C2CD3: variants seen among roughly 807,000 people sequenced by gnomAD.
C2CD3 encodes C2 domain-containing protein 3.
C2CD3 carries 148 observed loss-of-function variants against 234.0 expected under a neutral mutation model. The ratio of observed to expected loss-of-function variants is 0.63; its 90% CI spans 0.55 to 0.72. The LOEUF is 0.72. C2CD3 is among the 30% of genes least tolerant of loss of function. The pLI is 0.00. For synonymous variants in C2CD3, 1,000 were observed against 1,035.4 expected (o/e 0.97, Z 0.66); for missense variants, 2,577 against 2,811.5 (o/e 0.92, Z 1.89).
intron 3 of C2CD3, among the ~76,000 whole-genome samples, chr11:74,146,747 C>CACACACACACACACACACACACACACAT (rs58129019): frequency 3.7e-4 from 54 of 144,110 alleles, no homozygotes; most frequent in East Asian, 4.0e-4. Context: ...CACACACACA[C>CACACACACACACACACACACACACACAT]AATTAACATA....
chr11:74,083,443 G>T (rs1296179880), intron 22 of C2CD3, among the ~76,000 whole-genome samples: 3 of 152,194 alleles, frequency 2.0e-5, no homozygotes, highest in African/African-American at 7.2e-5. Flanking sequence ...TTGACAAATG[G>T]TATCTAATTA....
At chr11:74,128,534 T>TTTTATTTA (rs569604563) in intron 7 of C2CD3, 5 of 152,492 alleles carry the variant, frequency 3.3e-5, no homozygotes, top group East Asian at 1.9e-4. Context: ...GTTTGATACA[T>TTTTATTTA]TTTATTTATT....
intron 9 of C2CD3, among the ~76,000 whole-genome samples, chr11:74,116,296 C>T (rs774160121): frequency 2.6e-5 from 4 of 151,858 alleles, no homozygotes; most frequent in Admixed American, 1.3e-4. Flanking sequence ...CAAACAATCC[C>T]ATCAAAAAGT....
intron 28 of C2CD3, among the ~76,000 whole-genome samples, chr11:74,044,759 TATGAATACCCA>T (rs1953274069): frequency 6.6e-6 from 1 of 152,136 alleles, no homozygotes; most frequent in Admixed American, 6.6e-5. Flanking sequence ...TTTTTATGTC[TATGAATACCCA>T]ATGCTTAGCT....
intron 32 of C2CD3, among the ~76,000 whole-genome samples, chr11:74,013,969 G>A (rs1268702292): frequency 6.6e-6 from 1 of 152,164 alleles, no homozygotes; most frequent in East Asian, 1.9e-4. Context: ...AGATGGCGGT[G>A]AATAATACAC....
chr11:74,060,008 C>G (rs772647564), intron 24 of C2CD3, among the ~76,000 whole-genome samples: 85 of 152,326 alleles, frequency 5.6e-4, no homozygotes, highest in Middle Eastern at 3.4e-3. Flanking sequence ...GCCCATGTAG[C>G]CTCGCTCACT....
At chr11:74,144,574 G>GT (rs1855041621) in intron 3 of C2CD3, among the ~76,000 whole-genome samples, 2 of 152,144 alleles carry the variant, frequency 1.3e-5, no homozygotes, top group African/African-American at 4.8e-5. Flanking sequence ...TACCCGACAG[G>GT]TTTTTTGTTC....
In C2CD3 at chr11:74,098,616, GA is replaced by G. The variant is rs147030366; in HGVS notation, c.2733-362del. On this transcript the variant is annotated intron_variant, in intron 15 of 32. Coordinates refer to ENST00000334126, the MANE Select transcript of C2CD3 (RefSeq NM_001286577.2). ...AGAATGTGGACTTTGGTGTCTGACA[GA>G]TAAGATTTGGAAAATATTGCCAATA... Among the ~76,000 whole-genome samples, 879 of 152,312 alleles carry G rather than the reference GA, an allele frequency of 5.8e-3. 3 individuals are homozygous for G. The highest frequency in any genetic ancestry group is 0.02 in the Middle Eastern group (6 of 294).
intron 3 of C2CD3, among the ~76,000 whole-genome samples, chr11:74,158,801 A>G (rs1193962415): frequency 6.6e-6 from 1 of 152,182 alleles, no homozygotes; most frequent in African/African-American, 2.4e-5. Context: ...CGACAATGAG[A>G]TATCGTCTCA....
At chr11:74,133,231 TAC>T (rs1957739973) in intron 6 of C2CD3, among the ~76,000 whole-genome samples, 192 bp downstream of exon 6, 1 of 152,222 alleles carries the variant, frequency 6.6e-6, no homozygotes, top group Non-Finnish European at 1.5e-5. Flanking sequence ...TTTACCCATT[TAC>T]ACATGCTGCC....
intron 24 of C2CD3, among the ~76,000 whole-genome samples, chr11:74,058,876 A>G (rs527575085): frequency 8.7e-4 from 132 of 152,294 alleles, no homozygotes; most frequent in African/African-American, 2.9e-3. Flanking sequence ...CCTTGGTTGC[A>G]CTAGCCATAT....
chr11:74,101,343 G>A (rs1296038585), intron 14 of C2CD3, among the ~76,000 whole-genome samples: 2 of 152,160 alleles, frequency 1.3e-5, no homozygotes, highest in African/African-American at 2.4e-5. Context: ...AAGCTGTAGG[G>A]ACAACTGTAA....
intron 31 of C2CD3, among the ~76,000 whole-genome samples, chr11:74,030,322 T>C (rs778212486): frequency 4.6e-5 from 7 of 152,214 alleles, no homozygotes; most frequent in Non-Finnish European, 8.8e-5. Context: ...ATGTCAGCTA[T>C]TCTTATCTCC....
intron 2 of C2CD3, 96 bp from the exon 3 acceptor site, chr11:74,161,652 A>T: frequency 1.4e-6 from 1 of 698,616 alleles, no homozygotes; most frequent in East Asian, 2.9e-5. Flanking sequence ...AAGCTTTCTA[A>T]CTTGAAAAAA....
At chr11:74,146,193 G>A (rs1413102554) in intron 3 of C2CD3, among the ~76,000 whole-genome samples, 1 of 152,126 alleles carries the variant, frequency 6.6e-6, no homozygotes, top group Non-Finnish European at 1.5e-5. Context: ...AAGCTTTAGG[G>A]TGTCAAAGTC....
In C2CD3 at chr11:74,168,495, A is replaced by C. The variant is rs766314806; in HGVS notation, c.174T>G (p.Cys58Trp). The C allele has an allele frequency of 3.7e-6, 6 of 1,614,120 alleles. No individual in the cohort carries two copies. In the East Asian group the frequency reaches 1.1e-4, roughly 30 times the overall value. Residue 58 changes from cysteine to tryptophan, a missense_variant, in exon 2 of 33, where the codon TGT (cysteine) becomes TGG (tryptophan). By Grantham distance (215) the Cys-to-Trp change is radical. Transcript: ENST00000334126. Reference sequence around the variant, plus strand: ...CCCACCATCTCACTCGGACAAGTACACAAGTGGGAGGCTTTGCAATCTTCC... The same window carrying C: ...CCCACCATCTCACTCGGACAAGTACCCAAGTGGGAGGCTTTGCAATCTTCC... ...VIWKIAKPPTCVLVRVRWWGE... is the reference protein window; with the variant it reads ...VIWKIAKPPTWVLVRVRWWGE...
intron 3 of C2CD3, among the ~76,000 whole-genome samples, chr11:74,151,709 T>C (rs974612142): frequency 6.6e-6 from 1 of 152,106 alleles, no homozygotes; most frequent in Non-Finnish European, 1.5e-5. Context: ...AAAAATTTAA[T>C]AGTAGTAGGA....
At chr11:74,031,021 G>C (rs187120089) in intron 31 of C2CD3, among the ~76,000 whole-genome samples, 1 of 152,234 alleles carries the variant, frequency 6.6e-6, no homozygotes, top group African/African-American at 2.4e-5. Context: ...TATTGCAAGT[G>C]TCCTAACTAG....
intron 26 of C2CD3, among the ~76,000 whole-genome samples, 193 bp from the exon 27 acceptor site, chr11:74,049,735 T>C (rs1201719700): frequency 6.6e-6 from 1 of 152,170 alleles, no homozygotes; most frequent in African/African-American, 2.4e-5. Flanking sequence ...ATTCCCTTTC[T>C]GTATGGTGGG....
Sources: allele counts gnomAD v4.1 joint callset (sites outside exome capture counted in the v4.1 genomes callset), GRCh38; gene constraint gnomAD v4.1.1; transcripts MANE v1.5; gene names NCBI Gene and HGNC (gene_info 2026-07-23, HGNC 2026-07-21).